Variants in ARF3 observed in about 807,000 individuals in gnomAD.
ARF3 encodes the protein ADP-ribosylation factor 3.
A neutral mutation model predicts 19.3 loss-of-function variants in ARF3; 5 were observed. The observed-to-expected ratio is 0.26, with a 90% CI of 0.14 to 0.54. The LOEUF is 0.54. ARF3 is among the 20% of genes least tolerant of loss of function. The pLI is 0.95. For synonymous variants in ARF3, 71 were observed against 89.2 expected (o/e 0.80, Z 1.15); for missense variants, 77 against 234.2 (o/e 0.33, Z 4.38).
chr12:48,955,907 C>A (rs560794619), intron 1 of ARF3: 1 of 152,332 alleles, frequency 6.6e-6, no homozygotes, highest in South Asian at 2.1e-4. Flanking sequence ...CGGTGAAAAG[C>A]TGAACCTTAA....
At chr12:48,947,510 G>A (rs182187449) in intron 1 of ARF3, among the ~76,000 whole-genome samples, 1 of 152,232 alleles carries the variant, frequency 6.6e-6, no homozygotes, top group Non-Finnish European at 1.5e-5. Context: ...ATTTCACCAT[G>A]TTAACCAGGA....
At chr12:48,955,002 A>T (rs1438593743) in intron 1 of ARF3, among the ~76,000 whole-genome samples, 4 of 152,206 alleles carry the variant, frequency 2.6e-5, no homozygotes, top group African/African-American at 4.8e-5. Context: ...GTGGATAAAA[A>T]TAAAGGTATA....
intron 1 of ARF3, among the ~76,000 whole-genome samples, chr12:48,945,437 G>A (rs904853579): frequency 8.6e-5 from 13 of 152,022 alleles, no homozygotes; most frequent in South Asian, 2.1e-4. Flanking sequence ...AAAATTAGCC[G>A]GGTGTGGTGG....
At position 48,939,648 on chromosome 12, in the gene ARF3, G is replaced by A; in HGVS notation, c.384+7C>T. ...CTCCCAAATTCAGGGGTGGGAAGAA[G>A]TCTCACCTGTTTGTTTGCAAAGACA... On this transcript the variant is annotated splice_region_variant and intron_variant, in intron 4 of 4. Coordinates refer to ENST00000256682, the MANE Select transcript of ARF3 (RefSeq NM_001659.3). The surrounding 1 kb of genome is among the most constrained non-coding windows in gnomAD (Gnocchi z 4.8). 1 of 1,614,188 alleles carries A rather than the reference G, an allele frequency of 6.2e-7. No individual in the cohort carries two copies. Among genetic ancestry groups the A allele is most frequent in the Non-Finnish European group, 8.5e-7 (1 of 1,180,024 alleles).
rs1260958938 is a variant in ARF3 at position 48,937,215 on chromosome 12, G to T, written c.*1732C>A. On this transcript the variant is annotated 3_prime_UTR_variant, in exon 5 of 5. Transcript: ENST00000256682. Reference sequence around the variant, plus strand: ...TGATCCATCTGCTATCAACAAAAGTGGCCAGGAAACCTGGCCCCATGGAGT... The same window carrying T: ...TGATCCATCTGCTATCAACAAAAGTTGCCAGGAAACCTGGCCCCATGGAGT... 2 of 152,236 alleles carry T rather than the reference G, an allele frequency of 1.3e-5. No homozygotes were observed. The highest frequency in any genetic ancestry group is 4.8e-5 in the African/African-American group (2 of 41,438). 9.4% of individuals were successfully genotyped at this position (152,236 alleles called of 1,614,324 possible). A position where few individuals can be genotyped will look rare whatever the true frequency, so the allele number is the denominator to read the frequency against.
At chr12:48,944,992 A>G (rs1435962964) in intron 1 of ARF3, among the ~76,000 whole-genome samples, 1 of 129,824 alleles carries the variant, frequency 7.7e-6, no homozygotes, top group African/African-American at 2.6e-5. Flanking sequence ...TCTATTAAAA[A>G]TATAAAAATT....
In ARF3 at chr12:48,939,755, T is replaced by C; in HGVS notation, c.284A>G (p.Asn95Ser). Reference sequence around the variant, plus strand: ...GGCCTCATTTACTCGCTCCCGATCATTGCTGTCGACCACAAATATCAACCC... The same window carrying C: ...GGCCTCATTTACTCGCTCCCGATCACTGCTGTCGACCACAAATATCAACCC... The part of the protein sequence containing the change: ...TQGLIFVVDS[N>S]DRERVNEARE... The change falls in exon 4 of 5, where the codon AAT becomes AGT. Residue 95 changes from asparagine (N) to serine (S), a missense_variant. Transcript: ENST00000256682. The surrounding 1 kb of genome is among the most constrained non-coding windows in gnomAD (Gnocchi z 4.8). 6.2e-7 allele frequency: 1 copy of C among 1,614,110 alleles called. No individual in the cohort carries two copies. Among genetic ancestry groups the C allele is most frequent in the Non-Finnish European group, 8.5e-7 (1 of 1,180,010 alleles).
At chr12:48,947,574 G>A (rs1168136579) in intron 1 of ARF3, among the ~76,000 whole-genome samples, 1 of 152,106 alleles carries the variant, frequency 6.6e-6, no homozygotes, top group Non-Finnish European at 1.5e-5. Flanking sequence ...CCAAAGTGCT[G>A]GGATTACAGG....
rs1342459624 is a variant in ARF3 at position 48,937,332 on chromosome 12, T to C, written c.*1615A>G. The C allele has an allele frequency of 6.6e-6, 1 of 152,312 alleles. No individual in the cohort carries two copies. Among genetic ancestry groups the C allele is most frequent in the African/African-American group, 2.4e-5 (1 of 41,422 alleles). The allele number at this position is 152,312 out of a possible 1,614,324, so 9.4% of individuals were successfully genotyped here. A position where few individuals can be genotyped will look rare whatever the true frequency, so the allele number is the denominator to read the frequency against. On this transcript the variant is annotated 3_prime_UTR_variant, in exon 5 of 5. Transcript: ENST00000256682. ...CCTTAGCAGGTTATGGGCAGCTGTC[T>C]CGGAGCTCAGGGCGCAGCCAGCACA...
chr12:48,941,421 T>C (rs1240993677), intron 1 of ARF3: 2 of 198,898 alleles, frequency 1.0e-5, no homozygotes, highest in East Asian at 1.3e-4. Flanking sequence ...TCTGGGCAAG[T>C]TACTTCACTT....
Position 48,941,049 on chromosome 12 carries a change from T to C in ARF3, c.47A>G (p.Lys16Arg). The change falls in exon 2 of 5, where the codon AAG becomes AGG. Residue 16 changes from lysine to arginine, a missense_variant. Lys to Arg is a conservative substitution (Grantham distance 26). Transcript: ENST00000256682. ...GCCCACCATCAGGATGCGCATCTCC[T>C]TCTTCCCAATCAGGCTCTTGAGAAG... ...GNLLKSLIGKKEMRILMVGLD... is the reference protein window; with the variant it reads ...GNLLKSLIGKREMRILMVGLD... The C allele has an allele frequency of 6.2e-7, 1 of 1,613,980 alleles. No individual in the cohort carries two copies. The highest frequency in any genetic ancestry group is 8.5e-7 in the Non-Finnish European group (1 of 1,179,954).
chr12:48,949,248 CAG>C (rs1940419574), intron 1 of ARF3, among the ~76,000 whole-genome samples: 1 of 152,192 alleles, frequency 6.6e-6, no homozygotes, highest in Non-Finnish European at 1.5e-5. Flanking sequence ...TTGTCTGAGA[CAG>C]AGTCTCGCTC....
intron 1 of ARF3, among the ~76,000 whole-genome samples, chr12:48,943,173 A>G (rs888378752): frequency 6.6e-6 from 1 of 152,094 alleles, no homozygotes; most frequent in Non-Finnish European, 1.5e-5. Flanking sequence ...GGACCAAAAG[A>G]ATCATTATGA....
At position 48,938,632 on chromosome 12, in the gene ARF3, G is replaced by A. The variant is rs1447034214; in HGVS notation, c.*315C>T. 2.2e-6 allele frequency: 1 copy of A among 447,296 alleles called. No homozygotes were observed. Among genetic ancestry groups the A allele is most frequent in the East Asian group, 6.2e-5 (1 of 16,156 alleles). The allele number at this position is 447,296 out of a possible 1,614,324, so 27.7% of individuals were successfully genotyped here. A position where few individuals can be genotyped will look rare whatever the true frequency, so the allele number is the denominator to read the frequency against. ...AGGACAGCAACCACTGCCAAACAAA[G>A]AGAATACCCCACTCGACCTCCCGAA... On this transcript the variant is annotated 3_prime_UTR_variant, in exon 5 of 5. Transcript: ENST00000256682.
chr12:48,937,946 A>C lies in ARF3; in HGVS notation c.*1001T>G, dbSNP rs907342119. ...TAACAAAAGAGAATGAAGATGGAAA[A>C]CCTCAGGCCTTCGCCTCCCTTCCCC... On this transcript the variant is annotated 3_prime_UTR_variant, in exon 5 of 5. Coordinates refer to ENST00000256682, the MANE Select transcript of ARF3 (RefSeq NM_001659.3). 1 of 158,318 alleles carries C rather than the reference A, an allele frequency of 6.3e-6. No homozygotes were observed. The highest frequency in any genetic ancestry group is 1.8e-4 in the East Asian group (1 of 5,412). 9.8% of individuals were successfully genotyped at this position (158,318 alleles called of 1,614,324 possible).
chr12:48,950,501 T>C (rs755987692), intron 1 of ARF3, among the ~76,000 whole-genome samples: 2 of 152,178 alleles, frequency 1.3e-5, no homozygotes, highest in African/African-American at 4.8e-5. Flanking sequence ...TCTTTTTTTT[T>C]AAATCATAGT....
Position 48,938,311 on chromosome 12 carries a change from C to T in ARF3, c.*636G>A. 2.2e-6 allele frequency: 1 copy of T among 447,658 alleles called. No homozygotes were observed. Among genetic ancestry groups the T allele is most frequent in the South Asian group, 1.6e-5 (1 of 63,810 alleles). 27.7% of individuals were successfully genotyped at this position (447,658 alleles called of 1,614,324 possible). ...CCAGTCAAAGACTGGGGCAGTCCGG[C>T]TTGACTAATGCCCTCCCACCTTCTT... On this transcript the variant is annotated 3_prime_UTR_variant, in exon 5 of 5. Transcript: ENST00000256682.
At chr12:48,944,825 T>C (rs1176175834) in intron 1 of ARF3, among the ~76,000 whole-genome samples, 2 of 152,170 alleles carry the variant, frequency 1.3e-5, no homozygotes, top group Non-Finnish European at 2.9e-5. Context: ...CCATTTAATA[T>C]ACAGTGGGAC....
In ARF3 at chr12:48,939,847, A is replaced by G. The variant is rs1940219940; in HGVS notation, c.260-68T>C. The G allele has an allele frequency of 6.2e-7, 1 of 1,606,292 alleles. No individual in the cohort carries two copies. The highest frequency in any genetic ancestry group is 8.5e-7 in the Non-Finnish European group (1 of 1,174,184). ...CCCCTCCCCCCAACCAAAAGACCAC[A>G]CCTGCCTGACACCCTCCAAATATTT... On this transcript the variant is annotated intron_variant, in intron 3 of 4. Coordinates refer to ENST00000256682, the MANE Select transcript of ARF3 (RefSeq NM_001659.3). The surrounding 1 kb of genome is among the most constrained non-coding windows in gnomAD (Gnocchi z 4.8).
Sources: gnomAD v4.1 joint callset for allele counts (sites outside exome capture counted in the v4.1 genomes callset) on GRCh38, gnomAD v4.1.1 for gene constraint, Gnocchi (gnomAD v3.1) non-coding constraint, MANE v1.5 for transcripts, NCBI Gene and HGNC (gene_info 2026-07-23, HGNC 2026-07-21) for gene names.